TNXB: variants seen among roughly 807,000 people sequenced by gnomAD.
TNXB encodes the protein tenascin XB, also known as tenascin-X.
In TNXB, 183 loss-of-function variants were observed where a neutral mutation model predicts 340.5. The observed-to-expected ratio is 0.54, with a 90% CI of 0.48 to 0.61. The LOEUF (loss-of-function observed/expected upper bound fraction) is 0.61. TNXB is among the 20% of genes least tolerant of loss of function. TNXB has a pLI of 0.00. For missense variants in TNXB, 4,613 were observed against 5,446.4 expected, an observed-to-expected ratio of 0.85 and a Z score of 4.82; for synonymous variants, 2,121 against 2,314.5, an observed-to-expected ratio of 0.92 and a Z score of 2.40.
In TNXB at chr6:32,070,059, C is replaced by G. The variant is rs979411419; in HGVS notation, c.5278+68G>C. ...GGCCAAATAATGGTAATGGCAGCCA[C>G]CACAAGTGACCGTCTGCTGCTTGGC... On this transcript the variant is annotated intron_variant, in intron 14 of 43. Coordinates refer to ENST00000644971, the MANE Select transcript of TNXB (RefSeq NM_001365276.2). The surrounding 1 kb of genome is among the most constrained non-coding windows in gnomAD (Gnocchi z 6.0). 2 of 1,466,554 alleles carry G rather than the reference C, an allele frequency of 1.4e-6. No homozygotes were observed. The highest frequency in any genetic ancestry group is 2.8e-5 in the African/African-American group (2 of 71,048). 90.8% of individuals were successfully genotyped at this position (1,466,554 alleles called of 1,614,324 possible). A position where few individuals can be genotyped will look rare whatever the true frequency, so the allele number is the denominator to read the frequency against.
chr6:32,058,073 C>G lies in TNXB; in HGVS notation c.7810G>C (p.Ala2604Pro). The G allele has an allele frequency of 6.2e-7, 1 of 1,610,000 alleles. No homozygotes were observed. Among genetic ancestry groups the G allele is most frequent in the Non-Finnish European group, 8.5e-7 (1 of 1,178,086 alleles). Residue 2604 changes from alanine (A) to proline (P), a missense_variant, in exon 22 of 44, where the codon GCC (alanine) becomes CCC (proline). Ala to Pro is a conservative substitution (Grantham distance 27). Transcript: ENST00000644971. This position sits in a 1 kb window ranked among gnomAD's most constrained non-coding sequence, Gnocchi z 5.1. ...HEGRRLGPVSAVGVTEDEAET... is the reference protein window; with the variant it reads ...HEGRRLGPVSPVGVTEDEAET... ...ACTCACTCACCTGTGACGCCCACGG[C>G]AGACACCGGGCCCAGGCGCCGCCCC...
chr6:32,047,931 G>T lies in TNXB; in HGVS notation c.10127C>A (p.Thr3376Lys). ...GGAGTCGAATTCGCCCTCAGGGACC[G>T]TCCACGAGAGGCCCACGGAGTCAGG... is the stretch of plus-strand genomic sequence containing the variant. ...ATPDSVGLSW[T>K]VPEGEFDSFV... The change falls in exon 30 of 44, where the codon ACG becomes AAG. Residue 3376 changes from threonine (T) to lysine (K), a missense_variant. By Grantham distance (78) the Thr-to-Lys change is moderately conservative (BLOSUM62 -1). Coordinates refer to ENST00000644971, the MANE Select transcript of TNXB (RefSeq NM_001365276.2). This position sits in a 1 kb window ranked among gnomAD's most constrained non-coding sequence, Gnocchi z 6.2. 6.2e-7 allele frequency: 1 copy of T among 1,612,516 alleles called. No homozygotes were observed. Among genetic ancestry groups the T allele is most frequent in the Non-Finnish European group, 8.5e-7 (1 of 1,179,620 alleles).
rs780043678 is a variant in TNXB at position 32,042,298 on chromosome 6, C to T, written c.12275G>A (p.Gly4092Asp). Residue 4092 changes from glycine (G) to aspartate (D), a missense_variant, in exon 41 of 44, where the codon GGT (glycine) becomes GAT (aspartate). Gly to Asp is a moderately conservative substitution (Grantham distance 94, BLOSUM62 -1). Transcript: ENST00000644971. The stretch of plus-strand genomic sequence containing the variant: ...GAACTCTCCAGAGATGTTCCCAAAA[C>T]CATGGGCATAGTCCTCCCAGTCCCT... ...FWRDWEDYAH[G>D]FGNISGEFWL... 1.1e-5 allele frequency: 16 copies of T among 1,472,124 alleles called. No individual in the cohort carries two copies. The highest frequency in any genetic ancestry group is 9.4e-7 in the Non-Finnish European group (1 of 1,066,166). 91.2% of individuals were successfully genotyped at this position (1,472,124 alleles called of 1,614,324 possible).
chr6:32,088,920 C>A lies in TNXB; in HGVS notation c.2644G>T (p.Val882Leu). The change falls in exon 6 of 44, where the codon GTG becomes TTG. Residue 882 changes from valine to leucine, a missense_variant. By Grantham distance (32) the Val-to-Leu change is conservative. This residue lies in a region of TNXB where 4,327 missense variants were observed against 4,859.4 expected (regional missense o/e 0.89). Transcript: ENST00000644971. ...VSYVSAGNQR[V>L]RLEVPPEADG... ...GCTTCAGGGGGCACTTCCAGCCTCACCCTCTGGTTGCCGGCACTGACGTAG... is the reference window on the plus strand; with the variant it reads ...GCTTCAGGGGGCACTTCCAGCCTCAACCTCTGGTTGCCGGCACTGACGTAG... The A allele has an allele frequency of 6.2e-7, 1 of 1,601,050 alleles. No homozygotes were observed. The highest frequency in any genetic ancestry group is 8.5e-7 in the Non-Finnish European group (1 of 1,174,140).
intron 13 of TNXB, among the ~76,000 whole-genome samples, chr6:32,071,673 C>T (rs899466621): frequency 1.3e-5 from 2 of 151,850 alleles, no homozygotes; most frequent in Non-Finnish European, 2.9e-5. Context: ...GCAGCCTCCA[C>T]CTCCTGGGTT....
In TNXB at chr6:32,055,880, ACACGC is replaced by A. The variant is rs754503842; in HGVS notation, c.8433_8437del (p.Arg2812GlyfsTer14). On this transcript the variant is annotated frameshift_variant, in exon 24 of 44. Coordinates refer to ENST00000644971, the MANE Select transcript of TNXB (RefSeq NM_001365276.2). LOFTEE classifies it high-confidence loss of function. ...CACACCCACGGTGGACACCGGGCCC[ACACGC>A]CGCCCCTCGTGGAGGCCGTACAGGT... is the stretch of plus-strand genomic sequence containing the variant. 1 of 1,612,722 alleles carries A rather than the reference ACACGC, an allele frequency of 6.2e-7. No homozygotes were observed. The highest frequency in any genetic ancestry group is 1.1e-5 in the South Asian group (1 of 91,058).
Position 32,082,425 on chromosome 6 carries a change from T to C in TNXB, c.3446-99A>G. On this transcript the variant is annotated intron_variant, in intron 8 of 43. Coordinates refer to ENST00000644971, the MANE Select transcript of TNXB (RefSeq NM_001365276.2). This position sits in a 1 kb window ranked among gnomAD's most constrained non-coding sequence, Gnocchi z 5.0. ...ATGCTGTGTGAGGCTGTGCAGGTTG[T>C]TCACTGCACAAAAGTGCATTTGCTG... 8.0e-7 allele frequency: 1 copy of C among 1,250,874 alleles called. No homozygotes were observed. Among genetic ancestry groups the C allele is most frequent in the South Asian group, 1.5e-5 (1 of 67,564 alleles). 77.5% of individuals were successfully genotyped at this position (1,250,874 alleles called of 1,614,324 possible).
rs1006488959 is a variant in TNXB at position 32,072,948 on chromosome 6, T to C, written c.4682-650A>G. ...CCTGGATGACAAGAGCAAAACTCCA[T>C]CTCAAAAATAAAAAAGAAATATTTT... is the stretch of plus-strand genomic sequence containing the variant. On this transcript the variant is annotated intron_variant, in intron 12 of 43. Coordinates refer to ENST00000644971, the MANE Select transcript of TNXB (RefSeq NM_001365276.2). This position sits in a 1 kb window ranked among gnomAD's most constrained non-coding sequence, Gnocchi z 4.4. 1.3e-5 allele frequency among the ~76,000 whole-genome samples: 2 copies of C among 152,236 alleles called. No homozygotes were observed. Among genetic ancestry groups the C allele is most frequent in the African/African-American group, 2.4e-5 (1 of 41,472 alleles).
chr6:32,088,674 C>T, intron 6 of TNXB, 111 bp downstream of exon 6: 3 of 1,449,866 alleles, frequency 2.1e-6, no homozygotes, highest in East Asian at 5.0e-5. Context: ...GACTGCCACA[C>T]ACCTGCCAGA....
Position 32,061,299 on chromosome 6 carries a change from A to T in TNXB, c.7492+98T>A. The stretch of plus-strand genomic sequence containing the variant: ...ACAGAGGGAGGGCAGGACACAGGAG[A>T]CAAGTCTGGACCCACAGGGCTTGGT... On this transcript the variant is annotated intron_variant, in intron 21 of 43. Coordinates refer to ENST00000644971, the MANE Select transcript of TNXB (RefSeq NM_001365276.2). The surrounding 1 kb of genome is among the most constrained non-coding windows in gnomAD (Gnocchi z 4.4). The T allele has an allele frequency of 6.6e-7, 1 of 1,508,974 alleles. No homozygotes were observed. The highest frequency in any genetic ancestry group is 8.9e-7 in the Non-Finnish European group (1 of 1,121,770). The allele number at this position is 1,508,974 out of a possible 1,614,324, so 93.5% of individuals were successfully genotyped here.
chr6:32,096,966 A>ACGCAGCGCCCATTCT lies in TNXB; in HGVS notation c.872_886dup (p.Glu291_Cys295dup). 4 of 1,605,612 alleles carry ACGCAGCGCCCATTCT rather than the reference A, an allele frequency of 2.5e-6. No individual in the cohort carries two copies. Among genetic ancestry groups the ACGCAGCGCCCATTCT allele is most frequent in the Non-Finnish European group, 2.6e-6 (3 of 1,173,356 alleles). ...CTCGCCAGTGTAGCCGGGGTTACAC[A>ACGCAGCGCCCATTCT]CGCAGCGCCCATTCTCACAGCGCCC... On this transcript the variant is annotated inframe_insertion, in exon 3 of 44. Coordinates refer to ENST00000644971, the MANE Select transcript of TNXB (RefSeq NM_001365276.2).
chr6:32,050,352 C>T, intron 26 of TNXB, 31 bp from the exon 27 acceptor site: 1 of 1,604,826 alleles, frequency 6.2e-7, no homozygotes, highest in Non-Finnish European at 8.5e-7. Context: ...ACAGTGAGGA[C>T]CCTGGGTTCT....
chr6:32,089,534 C>T lies in TNXB; in HGVS notation c.2359-155G>A, dbSNP rs1031426033. 2.6e-5 allele frequency among the ~76,000 whole-genome samples: 4 copies of T among 152,212 alleles called. No homozygotes were observed. Among genetic ancestry groups the T allele is most frequent in the African/African-American group, 9.6e-5 (4 of 41,454 alleles). On this transcript the variant is annotated intron_variant, in intron 4 of 43. Coordinates refer to ENST00000644971, the MANE Select transcript of TNXB (RefSeq NM_001365276.2). This position sits in a 1 kb window ranked among gnomAD's most constrained non-coding sequence, Gnocchi z 6.2. ...AGCTGGGGAGCAAACATGCTGAGAG[C>T]GCTAACTCCTTGTGAGCCACTGTTC...
intron 18 of TNXB, among the ~76,000 whole-genome samples, chr6:32,066,997 G>A (rs534493905): frequency 1.3e-5 from 2 of 152,182 alleles, no homozygotes; most frequent in African/African-American, 4.8e-5. Flanking sequence ...CTTAAGCCCA[G>A]GAGGTTGAGG....
chr6:32,085,972 G>T lies in TNXB; in HGVS notation c.2926C>A (p.Arg976Ser). The T allele has an allele frequency of 6.2e-7, 1 of 1,608,058 alleles. No homozygotes were observed. Among genetic ancestry groups the T allele is most frequent in the Non-Finnish European group, 8.5e-7 (1 of 1,178,790 alleles). The change falls in exon 7 of 44, where the codon CGC becomes AGC. Residue 976 changes from arginine to serine, a missense_variant. Physicochemically the swap from Arg to Ser is moderately radical, Grantham distance 110. Transcript: ENST00000644971. The surrounding 1 kb of genome is among the most constrained non-coding windows in gnomAD (Gnocchi z 6.4). ...TGGGCGGTCCAGACCACACGGAGGCGCCCTGTCTCATCTCTGCCCAGCACC... is the reference window on the plus strand; with the variant it reads ...TGGGCGGTCCAGACCACACGGAGGCTCCCTGTCTCATCTCTGCCCAGCACC... ...LRVLGRDETG[R>S]LRVVWTAQPD...
chr6:32,072,245 G>C lies in TNXB; in HGVS notation c.4735C>G (p.Arg1579Gly). 6.2e-7 allele frequency: 1 copy of C among 1,610,142 alleles called. No homozygotes were observed. The highest frequency in any genetic ancestry group is 8.5e-7 in the Non-Finnish European group (1 of 1,178,544). ...TCCGTCACTGTCAGCTCCCCTAGGCGTGGCTCCAGGGGAGGCTTGGAGGCC... is the reference window on the plus strand; with the variant it reads ...TCCGTCACTGTCAGCTCCCCTAGGCCTGGCTCCAGGGGAGGCTTGGAGGCC... ...TEASKPPLEP[R>G]LGELTVTDIT... The change falls in exon 13 of 44, where the codon CGC becomes GGC. Residue 1579 changes from arginine to glycine, a missense_variant. Around this residue, in one of 7 missense-constraint regions of TNXB, gnomAD observed 4,327 missense variants for 4,859.4 expected, o/e 0.89. Transcript: ENST00000644971. This position sits in a 1 kb window ranked among gnomAD's most constrained non-coding sequence, Gnocchi z 4.4.
In TNXB at chr6:32,083,105, A is replaced by T. The variant is rs991060941; in HGVS notation, c.3446-779T>A. The stretch of plus-strand genomic sequence containing the variant: ...CATGCAGGCCAGGGGTGGCCTTGCC[A>T]TTGCTAAATTCTGTGGACGCTCCGT... On this transcript the variant is annotated intron_variant, in intron 8 of 43. Transcript: ENST00000644971. The surrounding 1 kb of genome is among the most constrained non-coding windows in gnomAD (Gnocchi z 4.6). Among the ~76,000 whole-genome samples, 1 of 152,036 alleles carries T rather than the reference A, an allele frequency of 6.6e-6. No homozygotes were observed. The highest frequency in any genetic ancestry group is 1.5e-5 in the Non-Finnish European group (1 of 67,998).
intron 1 of TNXB, among the ~76,000 whole-genome samples, chr6:32,106,227 G>A (rs1780973264): frequency 6.6e-6 from 1 of 151,992 alleles, no homozygotes; most frequent in Non-Finnish European, 1.5e-5. Flanking sequence ...ACTGAGGCAG[G>A]GATTGGGGAG....
rs760307586 is a variant in TNXB, at chr6:32,055,940, C to A, written c.8378G>T (p.Gly2793Val). The change falls in exon 24 of 44, where the codon GGC becomes GTC. Residue 2793 changes from glycine to valine, a missense_variant. By Grantham distance (109) the Gly-to-Val change is moderately radical. This residue lies in a region of TNXB where 4,327 missense variants were observed against 4,859.4 expected (regional missense o/e 0.89). Transcript: ENST00000644971. Reference sequence around the variant, plus strand: ...CTTGTATTTGCGCCCGGGCTCCAGGCCCCCCACGGTGACCTCGCTCTCCTC... The same window carrying A: ...CTTGTATTTGCGCCCGGGCTCCAGGACCCCCACGGTGACCTCGCTCTCCTC... ...RGEESEVTVG[G>V]LEPGRKYKMH... 1.2e-6 allele frequency: 2 copies of A among 1,613,498 alleles called. No homozygotes were observed. The highest frequency in any genetic ancestry group is 1.7e-6 in the Non-Finnish European group (2 of 1,179,868).
Sources: allele counts gnomAD v4.1 joint callset (sites outside exome capture counted in the v4.1 genomes callset), GRCh38; gene constraint gnomAD v4.1.1; regional missense constraint gnomAD v4.1.1; non-coding constraint Gnocchi (gnomAD v3.1); transcripts MANE v1.5; gene names NCBI Gene and HGNC (gene_info 2026-07-23, HGNC 2026-07-21).